The following MAPRE2 variants were observed in gnomAD, a reference collection of about 807,000 sequenced individuals.
The protein encoded by MAPRE2 is microtubule-associated protein RP/EB family member 2.
In MAPRE2, 13 loss-of-function variants were observed where a neutral mutation model predicts 43.2. The ratio of observed to expected loss-of-function variants is 0.30; its 90% confidence interval spans 0.20 to 0.48. MAPRE2 has a LOEUF of 0.48. Ranked by LOEUF, MAPRE2 falls within the 20% of genes least tolerant of loss-of-function variation. The pLI is 0.99. For synonymous variants in MAPRE2, 135 were observed against 148.8 expected (o/e 0.91, Z 0.68); for missense variants, 161 against 400.2 (o/e 0.40, Z 5.10).
At chr18:35,047,450 G>A (rs938647700) in intron 1 of MAPRE2, among the ~76,000 whole-genome samples, 9 of 151,964 alleles carry the variant, frequency 5.9e-5, no homozygotes, top group African/African-American at 1.2e-4. Context: ...TTAAAATTCC[G>A]ATTGTTTATC....
At chr18:35,134,306 G>A (rs1910291626) in intron 6 of MAPRE2, among the ~76,000 whole-genome samples, 1 of 152,158 alleles carries the variant, frequency 6.6e-6, no homozygotes, top group South Asian at 2.1e-4. Flanking sequence ...CAAGTCTGAG[G>A]CACCTTTTAA....
At chr18:35,082,514 G>A (rs543001170) in intron 2 of MAPRE2, among the ~76,000 whole-genome samples, 7 of 151,880 alleles carry the variant, frequency 4.6e-5, no homozygotes, top group African/African-American at 1.2e-4. Context: ...TTCCTCAAAC[G>A]CACGTTTCAC....
intron 2 of MAPRE2, among the ~76,000 whole-genome samples, chr18:35,094,613 T>C (rs1388342950): frequency 6.6e-6 from 1 of 152,092 alleles, no homozygotes; most frequent in Non-Finnish European, 1.5e-5. Context: ...AGGTTGAAAA[T>C]AGTAGAAGTT....
chr18:35,009,574 G>C (rs2097033421), intron 2 of MAPRE2, among the ~76,000 whole-genome samples: 1 of 152,088 alleles, frequency 6.6e-6, no homozygotes, highest in Admixed American at 6.5e-5. Context: ...ATCTGCTTCT[G>C]GAAGCTTGAA....
intron 2 of MAPRE2, among the ~76,000 whole-genome samples, chr18:35,092,765 T>C (rs560729086): frequency 6.6e-6 from 1 of 151,782 alleles, no homozygotes; most frequent in Non-Finnish European, 1.5e-5. Flanking sequence ...AAGAACTAAA[T>C]AAAAAATGGG....
chr18:35,134,308 A>G (rs950603780), intron 6 of MAPRE2, among the ~76,000 whole-genome samples: 1 of 152,224 alleles, frequency 6.6e-6, no homozygotes, highest in African/African-American at 2.4e-5. Flanking sequence ...AGTCTGAGGC[A>G]CCTTTTAAGT....
intron 1 of MAPRE2, among the ~76,000 whole-genome samples, chr18:35,060,177 C>T (rs1259541843): frequency 2.6e-5 from 4 of 152,096 alleles, no homozygotes; most frequent in African/African-American, 4.8e-5. Context: ...CTGGAAAAGA[C>T]CTGGGATCAT....
intron 1 of MAPRE2, among the ~76,000 whole-genome samples, chr18:34,997,269 A>T (rs1326348356): frequency 6.6e-6 from 1 of 152,218 alleles, no homozygotes; most frequent in Non-Finnish European, 1.5e-5. Context: ...GTTAAACTTT[A>T]TGGACAAAAT....
chr18:35,105,302 C>T (rs930573556), intron 4 of MAPRE2, among the ~76,000 whole-genome samples: 1 of 152,070 alleles, frequency 6.6e-6, no homozygotes, highest in Non-Finnish European at 1.5e-5. Flanking sequence ...GATACCTTGA[C>T]CATGTTTACG....
At chr18:35,054,599 G>A (rs1906121075) in intron 1 of MAPRE2, among the ~76,000 whole-genome samples, 1 of 152,174 alleles carries the variant, frequency 6.6e-6, no homozygotes, top group Non-Finnish European at 1.5e-5. Context: ...TTTGATTTGA[G>A]GATGTGCCGT....
intron 1 of MAPRE2, among the ~76,000 whole-genome samples, chr18:34,994,688 T>C (rs2097025601): frequency 6.6e-6 from 1 of 152,194 alleles, no homozygotes; most frequent in Admixed American, 6.5e-5. Context: ...ATTTTCAAAT[T>C]CAATAATAAT....
chr18:35,140,337 G>T lies in MAPRE2; in HGVS notation c.952G>T (p.Glu318Ter). 6.2e-7 allele frequency: 1 copy of T among 1,613,762 alleles called. No homozygotes were observed. The highest frequency in any genetic ancestry group is 1.1e-5 in the South Asian group (1 of 90,936). Residue 318 changes from glutamate (E) to a stop codon, truncating the protein, a stop_gained, in exon 7 of 7, where the codon GAA becomes TAA. Transcript: ENST00000300249. LOFTEE classifies it high-confidence loss of function. ...GCCGGAAGCAGAGGAGCAAGCCCAC[G>T]AACAGCAGCCCCCGCAGCAGGAAGA... Reference protein sequence around the residue: ...EEPEAEEQAHEQQPPQQEEY With the variant: ...EEPEAEEQAH
chr18:35,034,666 A>C (rs1323380636), intron 2 of MAPRE2, among the ~76,000 whole-genome samples: 2 of 152,118 alleles, frequency 1.3e-5, no homozygotes, highest in South Asian at 4.1e-4. Flanking sequence ...AATTTACAAG[A>C]AAAAAACAAA....
chr18:34,985,105 TA>T (rs2097018874), intron 1 of MAPRE2, among the ~76,000 whole-genome samples: 3 of 87,056 alleles, frequency 3.4e-5, no homozygotes, highest in African/African-American at 9.6e-5. Context: ...ATATAATATA[TA>T]AATATTATAT....
intron 5 of MAPRE2, among the ~76,000 whole-genome samples, chr18:35,128,731 A>G (rs774127618): frequency 6.6e-6 from 1 of 152,104 alleles, no homozygotes; most frequent in Non-Finnish European, 1.5e-5. Flanking sequence ...CTTTTTCCTT[A>G]AGGAACCCAA....
intron 2 of MAPRE2, among the ~76,000 whole-genome samples, chr18:35,089,248 G>A (rs515666): frequency 0.24 from 37,058 of 152,006 alleles, 6,838 homozygotes; most frequent in African/African-American, 0.52. Flanking sequence ...CTTGGATTAT[G>A]CAGTGGTTTT....
At chr18:35,094,204 G>T (rs750784037) in intron 2 of MAPRE2, among the ~76,000 whole-genome samples, 3 of 152,086 alleles carry the variant, frequency 2.0e-5, no homozygotes, top group Non-Finnish European at 4.4e-5. Context: ...TGTATTAAAA[G>T]ATCACACTTG....
At chr18:35,017,552 T>C (rs1047785381) in intron 2 of MAPRE2, among the ~76,000 whole-genome samples, 1 of 99,554 alleles carries the variant, frequency 1.0e-5, no homozygotes, top group African/African-American at 2.9e-5. Flanking sequence ...AGGTTTTTTC[T>C]TTTGTTTTTT....
chr18:35,004,231 C>T (rs2097030711), intron 1 of MAPRE2, among the ~76,000 whole-genome samples: 1 of 152,086 alleles, frequency 6.6e-6, no homozygotes, highest in Admixed American at 6.6e-5. Flanking sequence ...CTACCAGCAA[C>T]ATCTCCAGAC....
Sources: allele counts gnomAD v4.1 joint callset (sites outside exome capture counted in the v4.1 genomes callset), GRCh38; gene constraint gnomAD v4.1.1; transcripts MANE v1.5; gene names NCBI Gene and HGNC (gene_info 2026-07-23, HGNC 2026-07-21).